LMX1B: variants seen among roughly 807,000 people sequenced by gnomAD.
LMX1B encodes the protein LIM homeobox transcription factor 1 beta, also known as LIM homeobox transcription factor 1-beta.
LMX1B carries 12 observed loss-of-function variants against 51.4 expected under a neutral mutation model. That is an observed-to-expected ratio of 0.23 (90% CI 0.15 to 0.38). The LOEUF is 0.38. Ranked by LOEUF, LMX1B falls within the 10% of genes least tolerant of loss-of-function variation. LMX1B has a pLI of 1.00. For synonymous variants in LMX1B, 237 were observed against 235.4 expected, an observed-to-expected ratio of 1.01 and a Z score of -0.06; for missense variants, 445 against 571.1, an observed-to-expected ratio of 0.78 and a Z score of 2.25.
rs200484654 is a variant in LMX1B at position 126,696,415 on chromosome 9, G to C, written c.1173G>C (p.Arg391=). The C allele has an allele frequency of 2.0e-5, 32 of 1,613,938 alleles. No homozygotes were observed. Among genetic ancestry groups the C allele is most frequent in the Non-Finnish European group, 2.7e-5 (32 of 1,179,968 alleles). The part of the protein sequence containing the change: ...LQARVGNPID[R]LYSMQSSYFA... ...CCCGCGTGGGGAACCCCATCGACCGGCTCTACTCCATGCAGAGTTCCTACT... is the reference window on the plus strand; with the variant it reads ...CCCGCGTGGGGAACCCCATCGACCGCCTCTACTCCATGCAGAGTTCCTACT... Residue 391 remains arginine (R), a synonymous_variant, in exon 8 of 8, where the codon CGG becomes CGC. Transcript: ENST00000373474.
intron 2 of LMX1B, among the ~76,000 whole-genome samples, chr9:126,637,822 T>TTCCCCCCCCC (rs1564151130): frequency 1.1e-5 from 1 of 91,994 alleles, no homozygotes; most frequent in African/African-American, 4.5e-5. Context: ...GTGCCTGTCC[T>TTCCCCCCCCC]CCCCCCCCCC....
intron 2 of LMX1B, among the ~76,000 whole-genome samples, chr9:126,659,936 C>T (rs1408185908): frequency 3.3e-5 from 5 of 151,362 alleles, no homozygotes; most frequent in Admixed American, 3.3e-4. Context: ...CTACACTAGC[C>T]TTAGAGATTG....
At chr9:126,643,084 G>C (rs766838746) in intron 2 of LMX1B, among the ~76,000 whole-genome samples, 46 of 152,190 alleles carry the variant, frequency 3.0e-4, no homozygotes, top group Admixed American at 5.9e-4. Context: ...GTCAGTATCA[G>C]CCATCAGGGG....
chr9:126,660,694 G>A (rs1836228020), intron 2 of LMX1B, among the ~76,000 whole-genome samples: 1 of 152,184 alleles, frequency 6.6e-6, no homozygotes, highest in South Asian at 2.1e-4. Context: ...GAGGGGGATT[G>A]CAAAGGCTGA....
At chr9:126,662,592 G>A (rs1317122164) in intron 2 of LMX1B, among the ~76,000 whole-genome samples, 1 of 152,192 alleles carries the variant, frequency 6.6e-6, no homozygotes, top group Non-Finnish European at 1.5e-5. Context: ...CCCTGCCCTC[G>A]GGAGGAAGGA....
At chr9:126,616,053 C>A (rs1248919279) in intron 2 of LMX1B, among the ~76,000 whole-genome samples, 1 of 152,182 alleles carries the variant, frequency 6.6e-6, no homozygotes, top group Non-Finnish European at 1.5e-5. Context: ...AGGGAGGCCC[C>A]CTTTCTGCCA....
intron 2 of LMX1B, among the ~76,000 whole-genome samples, chr9:126,637,975 G>A (rs1182287304): frequency 1.3e-5 from 2 of 152,084 alleles, no homozygotes; most frequent in African/African-American, 4.8e-5. Context: ...AACCCCGAGA[G>A]GACGCACAAT....
At chr9:126,635,043 C>T (rs1181326117) in intron 2 of LMX1B, among the ~76,000 whole-genome samples, 1 of 152,212 alleles carries the variant, frequency 6.6e-6, no homozygotes, top group South Asian at 2.1e-4. Flanking sequence ...TGCATGCCAG[C>T]CAGGCACAAG....
chr9:126,667,781 G>A (rs1043917616), intron 2 of LMX1B, among the ~76,000 whole-genome samples: 1 of 152,224 alleles, frequency 6.6e-6, no homozygotes, highest in Non-Finnish European at 1.5e-5. Context: ...AGAAAGGGAT[G>A]GCCAAAGGTG....
At chr9:126,659,030 G>A (rs187185202) in intron 2 of LMX1B, among the ~76,000 whole-genome samples, 3 of 152,196 alleles carry the variant, frequency 2.0e-5, no homozygotes, top group South Asian at 2.1e-4. Context: ...GGGGTCTGCC[G>A]AGGTATCCTC....
intron 2 of LMX1B, among the ~76,000 whole-genome samples, chr9:126,620,152 T>C (rs1315047440): frequency 6.6e-6 from 1 of 152,164 alleles, no homozygotes; most frequent in Non-Finnish European, 1.5e-5. Context: ...CCAGGTTCCA[T>C]GGTACACAGG....
intron 2 of LMX1B, among the ~76,000 whole-genome samples, chr9:126,652,298 G>GGT (rs1274079558): frequency 6.7e-6 from 1 of 149,266 alleles, no homozygotes; most frequent in Admixed American, 6.7e-5. Context: ...GGAGGAGAAG[G>GGT]GGGGGGGGAT....
At chr9:126,628,750 A>G (rs1464408381) in intron 2 of LMX1B, among the ~76,000 whole-genome samples, 2 of 151,820 alleles carry the variant, frequency 1.3e-5, no homozygotes, top group Non-Finnish European at 2.9e-5. Context: ...TTTCCAGGAG[A>G]TTTTTCAGGC....
chr9:126,638,476 G>A (rs1835753779), intron 2 of LMX1B, among the ~76,000 whole-genome samples: 1 of 152,210 alleles, frequency 6.6e-6, no homozygotes, highest in South Asian at 2.1e-4. Context: ...GACCCCACCC[G>A]GCCCCCCACG....
intron 2 of LMX1B, among the ~76,000 whole-genome samples, chr9:126,634,237 G>A (rs1023270423): frequency 6.6e-6 from 1 of 152,202 alleles, no homozygotes; most frequent in Non-Finnish European, 1.5e-5. Context: ...TGGGGCATGT[G>A]AGGGCACCTG....
chr9:126,678,805 A>C (rs1336440726), intron 2 of LMX1B, among the ~76,000 whole-genome samples: 1 of 152,236 alleles, frequency 6.6e-6, no homozygotes, highest in Non-Finnish European at 1.5e-5. Flanking sequence ...AATGAGAATA[A>C]TTTTAGGGAA....
At chr9:126,630,896 C>T (rs1835620203) in intron 2 of LMX1B, among the ~76,000 whole-genome samples, 1 of 152,264 alleles carries the variant, frequency 6.6e-6, no homozygotes, top group Non-Finnish European at 1.5e-5. Flanking sequence ...TGGCTCCGGG[C>T]TGCCGGTGCA....
At chr9:126,622,521 G>C (rs1228362720) in intron 2 of LMX1B, among the ~76,000 whole-genome samples, 1 of 152,232 alleles carries the variant, frequency 6.6e-6, no homozygotes, top group Admixed American at 6.5e-5. Context: ...GCCTCCCCAG[G>C]AACTTCAGCA....
At chr9:126,659,641 A>G (rs1836190053) in intron 2 of LMX1B, among the ~76,000 whole-genome samples, 1 of 151,914 alleles carries the variant, frequency 6.6e-6, no homozygotes, top group Non-Finnish European at 1.5e-5. Flanking sequence ...GTGTGTCTAT[A>G]CTAGCCTTAG....
Sources: gnomAD v4.1 joint callset for allele counts (sites outside exome capture counted in the v4.1 genomes callset) on GRCh38, gnomAD v4.1.1 for gene constraint, MANE v1.5 for transcripts, NCBI Gene and HGNC (gene_info 2026-07-23, HGNC 2026-07-21) for gene names.